Variants in TFAP2D observed in about 807,000 individuals in gnomAD.
TFAP2D encodes the protein transcription factor AP-2-delta.
TFAP2D carries 9 observed loss-of-function variants against 43.6 expected under a neutral mutation model. The observed-to-expected ratio is 0.21, with a 90% CI of 0.12 to 0.36. The LOEUF is 0.36. Ranked by LOEUF, TFAP2D falls within the 10% of genes least tolerant of loss-of-function variation. The pLI, the probability that TFAP2D is intolerant of heterozygous loss-of-function variation, is 1.00. For synonymous variants in TFAP2D, 256 were observed against 224.9 expected (o/e 1.14, Z -1.24); for missense variants, 513 against 561.4 (o/e 0.91, Z 0.87).
In TFAP2D at chr6:50,757,445, C is replaced by CTCTATATATATAATATATATAA. The variant is rs1561940189; in HGVS notation, c.1139+6122_1139+6123insCTATATATATAATATATATAAT. On this transcript the variant is annotated intron_variant, in intron 7 of 7. Transcript: ENST00000008391. Reference sequence around the variant, plus strand: ...ATAGAATATATATAGAATATATATACTTATTCTATATATATATAATATATA... The same window carrying CTCTATATATATAATATATATAA: ...ATAGAATATATATAGAATATATATACTCTATATATATAATATATATAATTATTCTATATATATATAATATATA... Among the ~76,000 whole-genome samples, 3 of 76,244 alleles carry CTCTATATATATAATATATATAA rather than the reference C, an allele frequency of 3.9e-5. No homozygotes were observed. The East Asian group carries it at 1.3e-3, about 32-fold the overall frequency. 50.0% of individuals were successfully genotyped at this position (76,244 alleles called of 152,430 possible).
chr6:50,723,090 G>GT (rs2114033007), intron 3 of TFAP2D, among the ~76,000 whole-genome samples: 1 of 152,342 alleles, frequency 6.6e-6, no homozygotes, highest in East Asian at 1.9e-4. Context: ...TTTTAAGAGA[G>GT]TTTGAGTTTG....
chr6:50,767,042 C>T (rs12174225), intron 7 of TFAP2D, among the ~76,000 whole-genome samples: 38,626 of 152,100 alleles, frequency 0.25, 5,473 homozygotes, highest in East Asian at 0.41. Context: ...ATTTTTGTAT[C>T]ATGCAACTTT....
At position 50,713,963 on chromosome 6, in the gene TFAP2D, A is replaced by T; in HGVS notation, c.-93A>T. ...CTATAGAACATTTTTTTTTTCCTTT[A>T]AAAATTGGAAAATACAAGAAGTTTG... On this transcript the variant is annotated 5_prime_UTR_variant, in exon 1 of 8. Transcript: ENST00000008391. The T allele has an allele frequency of 1.3e-6, 2 of 1,567,054 alleles. No individual in the cohort carries two copies. The highest frequency in any genetic ancestry group is 3.6e-5 in the Admixed American group (2 of 56,302).
At chr6:50,750,877 C>T (rs1018367028) in intron 6 of TFAP2D, among the ~76,000 whole-genome samples, 1 of 151,938 alleles carries the variant, frequency 6.6e-6, no homozygotes, top group South Asian at 2.1e-4. Context: ...AATCACATTT[C>T]AATTAAAAAG....
At chr6:50,714,702 C>A (rs1054598978) in intron 1 of TFAP2D, among the ~76,000 whole-genome samples, 4 of 152,244 alleles carry the variant, frequency 2.6e-5, no homozygotes, top group African/African-American at 9.6e-5. Context: ...CCCGGGCCAG[C>A]GCTCTTTTCG....
chr6:50,764,989 A>G (rs1021210789), intron 7 of TFAP2D, among the ~76,000 whole-genome samples: 1 of 152,158 alleles, frequency 6.6e-6, no homozygotes, highest in African/African-American at 2.4e-5. Flanking sequence ...TATATAATGC[A>G]TTATTCTTAA....
intron 7 of TFAP2D, among the ~76,000 whole-genome samples, chr6:50,754,569 G>C (rs1194978279): frequency 6.6e-6 from 1 of 151,784 alleles, no homozygotes; most frequent in African/African-American, 2.4e-5. Flanking sequence ...GTCATTTTTT[G>C]AGGGCCTATT....
chr6:50,760,693 A>C (rs1769350891), intron 7 of TFAP2D, among the ~76,000 whole-genome samples: 1 of 152,038 alleles, frequency 6.6e-6, no homozygotes. Flanking sequence ...CTGCTTTCTG[A>C]ATCATTTAGG....
chr6:50,720,197 G>C (rs2114030338), intron 3 of TFAP2D, among the ~76,000 whole-genome samples: 1 of 152,250 alleles, frequency 6.6e-6, no homozygotes, highest in African/African-American at 2.4e-5. Context: ...CTCTTCTGAT[G>C]GGACCAAATA....
At chr6:50,740,424 T>G (rs569144370) in intron 5 of TFAP2D, among the ~76,000 whole-genome samples, 2 of 149,086 alleles carry the variant, frequency 1.3e-5, no homozygotes, top group African/African-American at 5.1e-5. Flanking sequence ...AAGAAAGAAT[T>G]TTGTTTGTTT....
intron 3 of TFAP2D, among the ~76,000 whole-genome samples, chr6:50,722,781 T>C (rs1435320835): frequency 1.3e-5 from 2 of 151,288 alleles, no homozygotes; most frequent in African/African-American, 4.9e-5. Context: ...TTGGCCCTGG[T>C]CTGTTTTGTG....
rs75815698 is a variant in TFAP2D at position 50,765,248 on chromosome 6, T to C, written c.1140-7397T>C. On this transcript the variant is annotated intron_variant, in intron 7 of 7. Coordinates refer to ENST00000008391, the MANE Select transcript of TFAP2D (RefSeq NM_172238.4). ...TCCAGATTCATTCATGTTGTCAAAA[T>C]GGCAAAATTGCCTTCTTTGTTATGG... Among the ~76,000 whole-genome samples, 617 of 152,318 alleles carry C rather than the reference T, an allele frequency of 4.1e-3. 19 individuals are homozygous for C. The South Asian group carries it at 0.072, about 18-fold the overall frequency.
At chr6:50,751,399 G>A in intron 7 of TFAP2D, 75 bp downstream of exon 7, 1 of 1,001,356 alleles carries the variant, frequency 1.0e-6, no homozygotes, top group Non-Finnish European at 1.6e-6. Flanking sequence ...GTTCTATTTA[G>A]AGATACCACT....
At chr6:50,716,269 G>A (rs1768625969) in intron 2 of TFAP2D, among the ~76,000 whole-genome samples, 3 of 152,196 alleles carry the variant, frequency 2.0e-5, no homozygotes, top group African/African-American at 4.8e-5. Flanking sequence ...TTGCCAGGGT[G>A]TAGGGTTGAG....
intron 7 of TFAP2D, among the ~76,000 whole-genome samples, chr6:50,755,224 G>A (rs1581774842): frequency 1.3e-5 from 2 of 151,874 alleles, no homozygotes; most frequent in South Asian, 2.1e-4. Flanking sequence ...ATTTCCAATT[G>A]AAACCCAAAG....
chr6:50,755,471 T>C (rs1287465314), intron 7 of TFAP2D, among the ~76,000 whole-genome samples: 2 of 151,222 alleles, frequency 1.3e-5, no homozygotes, highest in African/African-American at 4.9e-5. Context: ...ACATATTTAA[T>C]ATTTAAAGAT....
At chr6:50,731,423 T>C (rs986476823) in intron 5 of TFAP2D, among the ~76,000 whole-genome samples, 7 of 150,214 alleles carry the variant, frequency 4.7e-5, no homozygotes, top group African/African-American at 1.7e-4. Context: ...GCTCTTGACA[T>C]AGTAAGACCC....
chr6:50,769,053 G>A (rs1401026344), intron 7 of TFAP2D, among the ~76,000 whole-genome samples: 1 of 151,136 alleles, frequency 6.6e-6, no homozygotes, highest in African/African-American at 2.4e-5. Context: ...CACCACACCC[G>A]GCTAATTTTT....
intron 3 of TFAP2D, among the ~76,000 whole-genome samples, chr6:50,724,790 G>A (rs1332988624): frequency 6.6e-6 from 1 of 151,986 alleles, no homozygotes; most frequent in East Asian, 1.9e-4. Flanking sequence ...GTCGGCGGGG[G>A]GACCTGTCTT....
Sources: gnomAD v4.1 joint callset for allele counts (sites outside exome capture counted in the v4.1 genomes callset) on GRCh38, gnomAD v4.1.1 for gene constraint, MANE v1.5 for transcripts, NCBI Gene and HGNC (gene_info 2026-07-23, HGNC 2026-07-21) for gene names.